Variants in GRIP1 observed in about 807,000 individuals in gnomAD.
The protein encoded by GRIP1 is glutamate receptor-interacting protein 1.
In GRIP1, 45 loss-of-function variants were observed where a neutral mutation model predicts 129.9. The observed-to-expected ratio is 0.35, with a 90% CI of 0.27 to 0.44. GRIP1 has a LOEUF of 0.44. GRIP1 is among the 20% of genes least tolerant of loss of function. The probability of loss-of-function intolerance (pLI) is 1.00; values close to 1 mark genes in which losing one functional copy is unlikely to be tolerated. For synonymous variants in GRIP1, 530 were observed against 520.8 expected (o/e 1.02, Z -0.24); for missense variants, 1,196 against 1,396.8 (o/e 0.86, Z 2.29).
At chr12:66,507,386 C>T (rs1397259885) in intron 7 of GRIP1, among the ~76,000 whole-genome samples, 2 of 151,226 alleles carry the variant, frequency 1.3e-5, no homozygotes, top group African/African-American at 2.4e-5. Flanking sequence ...TGCAGTGAGC[C>T]GAGATCGTGC....
chr12:66,700,574 A>G (rs2035318049), intron 1 of GRIP1, among the ~76,000 whole-genome samples: 1 of 152,060 alleles, frequency 6.6e-6, no homozygotes, highest in Admixed American at 6.6e-5. Context: ...CAGGCTCCTG[A>G]GTAGCTAGGA....
intron 9 of GRIP1, among the ~76,000 whole-genome samples, chr12:66,460,497 TCA>T (rs1334919693): frequency 1.3e-5 from 2 of 152,208 alleles, no homozygotes; most frequent in East Asian, 1.9e-4. Context: ...TTCCAAAACG[TCA>T]GTTTCCTTCA....
chr12:66,531,945 T>C (rs1418075658), intron 4 of GRIP1, among the ~76,000 whole-genome samples: 1 of 152,218 alleles, frequency 6.6e-6, no homozygotes, highest in Non-Finnish European at 1.5e-5. Context: ...TGACATATAA[T>C]TGAATTCTAA....
At chr12:66,352,122 G>C (rs2054257531) in intron 24 of GRIP1, among the ~76,000 whole-genome samples, 1 of 152,204 alleles carries the variant, frequency 6.6e-6, no homozygotes, top group Middle Eastern at 3.2e-3. Flanking sequence ...ACTGAGAATA[G>C]AGTGGAGAAT....
intron 1 of GRIP1, among the ~76,000 whole-genome samples, chr12:67,009,133 T>C (rs767258706): frequency 5.9e-5 from 9 of 152,204 alleles, no homozygotes; most frequent in Non-Finnish European, 1.2e-4. Context: ...ATTTTAATCA[T>C]GATTTTTATT....
intron 1 of GRIP1, among the ~76,000 whole-genome samples, chr12:66,723,868 G>A (rs1009248862): frequency 7.9e-5 from 12 of 152,188 alleles, no homozygotes; most frequent in Non-Finnish European, 1.8e-4. Flanking sequence ...CTGATGAACA[G>A]AGCATGGTGT....
intron 1 of GRIP1, among the ~76,000 whole-genome samples, chr12:66,747,753 C>T (rs1297438058): frequency 1.3e-5 from 2 of 151,838 alleles, no homozygotes; most frequent in East Asian, 1.9e-4. Flanking sequence ...TTTTTTTCCC[C>T]CAGGGTTGTC....
chr12:66,450,303 C>CAAAAAAAAAAAAAA (rs143013040), intron 11 of GRIP1, among the ~76,000 whole-genome samples: 1 of 26,802 alleles, frequency 3.7e-5, no homozygotes, highest in African/African-American at 1.5e-4. Flanking sequence ...GACTCCATCT[C>CAAAAAAAAAAAAAA]AAAAAAAAAA....
chr12:66,393,424 G>A (rs555779169), intron 17 of GRIP1, among the ~76,000 whole-genome samples: 6 of 151,952 alleles, frequency 3.9e-5, no homozygotes, highest in Non-Finnish European at 7.4e-5. Flanking sequence ...CATCTACCTC[G>A]GCCTCCCAAA....
chr12:66,374,152 T>C (rs920114205), intron 22 of GRIP1, among the ~76,000 whole-genome samples: 2 of 152,182 alleles, frequency 1.3e-5, no homozygotes, highest in Non-Finnish European at 2.9e-5. Flanking sequence ...ATATTCTTTA[T>C]TTTATGGCAC....
chr12:66,518,896 C>T (rs117799871), intron 5 of GRIP1, among the ~76,000 whole-genome samples: 12 of 152,350 alleles, frequency 7.9e-5, no homozygotes, highest in Admixed American at 1.3e-4. Context: ...AGAGATTATA[C>T]GCTGGCTAAA....
At chr12:66,763,196 T>C (rs1044969908) in intron 1 of GRIP1, among the ~76,000 whole-genome samples, 23 of 152,324 alleles carry the variant, frequency 1.5e-4, no homozygotes, top group African/African-American at 5.5e-4. Context: ...GTGCATTTGT[T>C]TTCCTTTGAA....
chr12:66,520,995 T>A (rs1363294583), intron 5 of GRIP1, among the ~76,000 whole-genome samples: 1 of 152,240 alleles, frequency 6.6e-6, no homozygotes, highest in Non-Finnish European at 1.5e-5. Context: ...TCTAGTTATT[T>A]TAAACAGAAA....
chr12:66,532,051 A>T (rs1339368917), intron 4 of GRIP1, among the ~76,000 whole-genome samples: 1 of 152,224 alleles, frequency 6.6e-6, no homozygotes, highest in African/African-American at 2.4e-5. Context: ...GCTGACTATA[A>T]AATCTTACAA....
At chr12:66,872,668 T>C (rs942163172) in intron 1 of GRIP1, among the ~76,000 whole-genome samples, 5 of 152,024 alleles carry the variant, frequency 3.3e-5, no homozygotes, top group African/African-American at 1.2e-4. Context: ...CTACTCTAAA[T>C]GTGTAAATTT....
At chr12:66,857,060 C>T (rs1385382164) in intron 1 of GRIP1, among the ~76,000 whole-genome samples, 7 of 152,082 alleles carry the variant, frequency 4.6e-5, no homozygotes, top group East Asian at 3.9e-4. Context: ...ATGATGAGTT[C>T]GTGTCCTTTG....
intron 1 of GRIP1, among the ~76,000 whole-genome samples, chr12:66,837,318 A>G (rs2039632416): frequency 6.6e-6 from 1 of 152,218 alleles, no homozygotes; most frequent in Non-Finnish European, 1.5e-5. Flanking sequence ...AAAAGTATCT[A>G]AAACCTACAG....
chr12:66,615,355 C>T (rs905729552), intron 1 of GRIP1, among the ~76,000 whole-genome samples: 2 of 152,078 alleles, frequency 1.3e-5, no homozygotes, highest in Admixed American at 6.6e-5. Context: ...AATGTTCTGA[C>T]GCTCAGAGGA....
chr12:66,725,656 C>T (rs1234977863), intron 1 of GRIP1, among the ~76,000 whole-genome samples: 1 of 152,016 alleles, frequency 6.6e-6, no homozygotes, highest in East Asian at 1.9e-4. Flanking sequence ...TCATCTGTTC[C>T]AGCGTTTCTC....
Sources: allele counts gnomAD v4.1 joint callset (sites outside exome capture counted in the v4.1 genomes callset), GRCh38; gene constraint gnomAD v4.1.1; transcripts MANE v1.5; gene names NCBI Gene and HGNC (gene_info 2026-07-23, HGNC 2026-07-21).